DDX60L: variants seen among roughly 807,000 people sequenced by gnomAD.
DDX60L encodes the protein probable ATP-dependent RNA helicase DDX60-like.
Under a neutral mutation model 211.6 loss-of-function variants are expected in DDX60L, and 191 were observed. The observed-to-expected ratio is 0.90, with a 90% CI of 0.80 to 1.02. DDX60L has a LOEUF of 1.02. Among genes scored for constraint, DDX60L ranks in the 50% least tolerant of loss-of-function variants. DDX60L has a pLI of 0.00. For synonymous variants in DDX60L, 706 were observed against 694.1 expected, an observed-to-expected ratio of 1.02 and a Z score of -0.27; for missense variants, 2,007 against 1,984.1, an observed-to-expected ratio of 1.01 and a Z score of -0.22.
intron 24 of DDX60L, among the ~76,000 whole-genome samples, chr4:168,405,181 G>C (rs1177831172): frequency 6.6e-6 from 1 of 151,936 alleles, no homozygotes; most frequent in East Asian, 1.9e-4. Context: ...GCTAATTTTT[G>C]TATTTTTTTA....
At chr4:168,365,100 A>C (rs980903081) in intron 36 of DDX60L, among the ~76,000 whole-genome samples, 2 of 152,154 alleles carry the variant, frequency 1.3e-5, no homozygotes, top group African/African-American at 4.8e-5. Flanking sequence ...CTAAACAACC[A>C]AATGATGCAC....
At chr4:168,384,871 C>A in intron 29 of DDX60L, 59 bp from the exon 30 acceptor site, 1 of 1,499,724 alleles carries the variant, frequency 6.7e-7, no homozygotes, top group Non-Finnish European at 9.1e-7. Flanking sequence ...CTATGAAGTC[C>A]AAAGATTTAT....
intron 37 of DDX60L, among the ~76,000 whole-genome samples, 199 bp downstream of exon 37, chr4:168,360,949 CA>C (rs3833606): frequency 4.6e-3 from 698 of 151,916 alleles, no homozygotes; most frequent in African/African-American, 0.015. Flanking sequence ...AATCTTAATA[CA>C]AAAAAAACAG....
Position 168,416,483 on chromosome 4 carries a change from C to A in DDX60L, c.2726+199G>T, listed in dbSNP as rs372696072. On this transcript the variant is annotated intron_variant, in intron 20 of 37. Coordinates refer to ENST00000682922, the MANE Select transcript of DDX60L (RefSeq NM_001012967.3). ...CCTGTGGTCCCAGCTACTCAGGAGG[C>A]TGAGGTGGGAGGATTCCTTCAGCCC... Among the ~76,000 whole-genome samples, 27 of 152,270 alleles carry A rather than the reference C, an allele frequency of 1.8e-4. 1 individual carries two copies. In the East Asian group the frequency reaches 4.6e-3, roughly 26 times the overall value.
chr4:168,375,183 T>TA (rs539929703), intron 34 of DDX60L, among the ~76,000 whole-genome samples, 194 bp downstream of exon 34: 164 of 152,294 alleles, frequency 1.1e-3, no homozygotes, highest in Non-Finnish European at 1.7e-3. Flanking sequence ...AGTTTTTTTT[T>TA]AATTGGAAAA....
chr4:168,402,851 C>T (rs1177817485), intron 25 of DDX60L, among the ~76,000 whole-genome samples: 1 of 152,184 alleles, frequency 6.6e-6, no homozygotes. Flanking sequence ...ATTTTCAAGA[C>T]AACTGGAAAC....
chr4:168,385,360 G>A (rs1472868368), intron 29 of DDX60L, among the ~76,000 whole-genome samples: 1 of 152,244 alleles, frequency 6.6e-6, no homozygotes, highest in South Asian at 2.1e-4. Context: ...GCCCTCAGAG[G>A]GCATGGAAGC....
At position 168,415,482 on chromosome 4, in the gene DDX60L, G is replaced by C; in HGVS notation, c.2905C>G (p.His969Asp). ...CGERYNDLEKHICSVKHDDVY... is the reference protein window; with the variant it reads ...CGERYNDLEKDICSVKHDDVY... ...TCATCATGTTTTACTGAACATATAT[G>C]CTTCTCTAAATCATTGTATCTCTCT... is the stretch of plus-strand genomic sequence containing the variant. The change falls in exon 22 of 38, where the codon CAT becomes GAT. Residue 969 changes from histidine to aspartate, a missense_variant. His to Asp is a moderately conservative substitution (Grantham distance 81). Coordinates refer to ENST00000682922, the MANE Select transcript of DDX60L (RefSeq NM_001012967.3). 1 of 1,603,728 alleles carries C rather than the reference G, an allele frequency of 6.2e-7. No homozygotes were observed.
rs1023231070 is a variant in DDX60L at position 168,479,416 on chromosome 4, T to A, written c.-111+961A>T. Among the ~76,000 whole-genome samples the A allele has an allele frequency of 1.6e-4, 25 of 152,158 alleles. 1 individual carries two copies. Among genetic ancestry groups the A allele is most frequent in the Non-Finnish European group, 3.7e-4 (25 of 68,022 alleles). ...GAAATCATGAAGGTCTGTATGTCGT[T>A]GATGTTATGGTTTGGACTTCTTATT... is the stretch of plus-strand genomic sequence containing the variant. On this transcript the variant is annotated intron_variant, in intron 1 of 37. Transcript: ENST00000682922.
chr4:168,433,034 A>C lies in DDX60L; in HGVS notation c.1376T>G (p.Met459Arg). ...CCTCTTTAGAATAGGCAAATCCTTC[A>C]TCATATCTCCAACAAACTCATCAAT... is the stretch of plus-strand genomic sequence containing the variant. Reference protein sequence around the residue: ...AVIDEFVGDMMKDLPILKSDD... With the variant: ...AVIDEFVGDMRKDLPILKSDD... Residue 459 changes from methionine (M) to arginine (R), a missense_variant, in exon 11 of 38, where the codon ATG (methionine) becomes AGG (arginine). Met to Arg is a moderately conservative substitution (Grantham distance 91). Coordinates refer to ENST00000682922, the MANE Select transcript of DDX60L (RefSeq NM_001012967.3). 6.2e-7 allele frequency: 1 copy of C among 1,608,794 alleles called. No homozygotes were observed. Among genetic ancestry groups the C allele is most frequent in the Non-Finnish European group, 8.5e-7 (1 of 1,177,186 alleles).
At chr4:168,459,754 G>GGGAGGGCAGGAAGGAA (rs1757049508) in intron 5 of DDX60L, among the ~76,000 whole-genome samples, 1 of 60,466 alleles carries the variant, frequency 1.7e-5, no homozygotes, top group Admixed American at 2.6e-4. Context: ...AGACACCAAA[G>GGGAGGGCAGGAAGGAA]GGAGGGAAGG....
intron 28 of DDX60L, among the ~76,000 whole-genome samples, chr4:168,393,438 G>A (rs928974806): frequency 2.6e-5 from 4 of 152,116 alleles, no homozygotes; most frequent in Admixed American, 2.0e-4. Context: ...GGAGGTTGCA[G>A]TGAGCCGAGA....
At chr4:168,377,282 A>C (rs1343765555) in intron 33 of DDX60L, among the ~76,000 whole-genome samples, 1 of 148,722 alleles carries the variant, frequency 6.7e-6, no homozygotes, top group Non-Finnish European at 1.5e-5. Flanking sequence ...AGTGAGCAAG[A>C]CTCTGTCTCA....
chr4:168,374,517 C>T (rs1488373383), intron 34 of DDX60L, among the ~76,000 whole-genome samples: 1 of 152,188 alleles, frequency 6.6e-6, no homozygotes, highest in Non-Finnish European at 1.5e-5. Context: ...AGTTACTCCT[C>T]AATCAAGAAC....
chr4:168,396,517 G>C (rs141948284), intron 26 of DDX60L, among the ~76,000 whole-genome samples: 1 of 152,020 alleles, frequency 6.6e-6, no homozygotes, highest in Non-Finnish European at 1.5e-5. Context: ...AGTAACTCTG[G>C]TCTTATGAAG....
intron 26 of DDX60L, among the ~76,000 whole-genome samples, chr4:168,398,418 G>A (rs1369277455): frequency 2.0e-5 from 3 of 152,242 alleles, no homozygotes; most frequent in Admixed American, 6.5e-5. Flanking sequence ...AGGCCAAAGT[G>A]GGGGCTAAGA....
intron 36 of DDX60L, among the ~76,000 whole-genome samples, chr4:168,364,110 A>T (rs566421436): frequency 6.6e-6 from 1 of 151,074 alleles, no homozygotes; most frequent in South Asian, 2.1e-4. Flanking sequence ...ACAGAGAGAG[A>T]CTCCATCTCT....
intron 35 of DDX60L, among the ~76,000 whole-genome samples, chr4:168,372,160 C>G (rs1418561830): frequency 6.6e-6 from 1 of 152,048 alleles, no homozygotes; most frequent in Non-Finnish European, 1.5e-5. Context: ...ACAGAATGAC[C>G]TTGAAAGGAG....
At chr4:168,375,325 C>G (rs1031652189) in intron 34 of DDX60L, 52 bp downstream of exon 34, 7 of 1,309,436 alleles carry the variant, frequency 5.3e-6, no homozygotes, top group Middle Eastern at 3.7e-4. Flanking sequence ...CTTTCTTAAC[C>G]AAGATTGTTT....
Sources: allele counts gnomAD v4.1 joint callset (sites outside exome capture counted in the v4.1 genomes callset), GRCh38; gene constraint gnomAD v4.1.1; transcripts MANE v1.5; gene names NCBI Gene and HGNC (gene_info 2026-07-23, HGNC 2026-07-21).